The following USP40 variants were observed in gnomAD, a reference collection of about 807,000 sequenced individuals.
USP40 encodes the protein ubiquitin specific peptidase 40, also known as ubiquitin carboxyl-terminal hydrolase 40.
USP40 carries 143 observed loss-of-function variants against 166.2 expected under a neutral mutation model. The observed-to-expected ratio is 0.86, with a 90% CI of 0.75 to 0.99. The LOEUF (loss-of-function observed/expected upper bound fraction) is 0.99, where lower values mean the gene tolerates loss of function less well. USP40 is among the 50% of genes least tolerant of loss of function. USP40 has a pLI of 0.00. For synonymous variants in USP40, 498 were observed against 524.0 expected, an observed-to-expected ratio of 0.95 and a Z score of 0.68; for missense variants, 1,444 against 1,479.7, an observed-to-expected ratio of 0.98 and a Z score of 0.40.
intron 6 of USP40, among the ~76,000 whole-genome samples, chr2:233,553,804 C>A (rs760693781): frequency 6.6e-6 from 1 of 151,462 alleles, no homozygotes; most frequent in Non-Finnish European, 1.5e-5. Flanking sequence ...CCTCTTAGCT[C>A]TCACATGGCA....
In USP40 at chr2:233,562,799, A is replaced by G. The variant is rs1316716181; in HGVS notation, c.204T>C (p.Ala68=). The G allele has an allele frequency of 1.3e-6, 2 of 1,531,776 alleles. No homozygotes were observed. Among genetic ancestry groups the G allele is most frequent in the Non-Finnish European group, 1.8e-6 (2 of 1,137,956 alleles). 94.9% of individuals were successfully genotyped at this position (1,531,776 alleles called of 1,614,324 possible). Reference sequence around the variant, plus strand: ...GCTCTTCTGGGCCAAGAGAAAATAGAGCTTCTAAAGAAAAAGGTAGAATCA... The same window carrying G: ...GCTCTTCTGGGCCAAGAGAAAATAGGGCTTCTAAAGAAAAAGGTAGAATCA... ...TLHFTPEFRE[A]LFSLGPEELG... is the part of the protein sequence containing the mutation. The change falls in exon 3 of 32, where the codon GCT becomes GCC. Residue 68 remains alanine (A), a synonymous_variant. Transcript: ENST00000678225.
chr2:233,521,432 C>T (rs941308315), intron 16 of USP40, among the ~76,000 whole-genome samples: 7 of 152,158 alleles, frequency 4.6e-5, no homozygotes, highest in Non-Finnish European at 8.8e-5. Flanking sequence ...GCACCTATGC[C>T]AGGAGCCTAC....
chr2:233,504,647 A>G (rs1475848399), intron 21 of USP40, among the ~76,000 whole-genome samples: 3 of 152,028 alleles, frequency 2.0e-5, no homozygotes, highest in Non-Finnish European at 4.4e-5. Context: ...AAGGGATTCA[A>G]TGAGAGGATA....
At chr2:233,560,450 T>G (rs2071478196) in intron 3 of USP40, among the ~76,000 whole-genome samples, 3 of 152,292 alleles carry the variant, frequency 2.0e-5, no homozygotes, top group African/African-American at 7.2e-5. Flanking sequence ...TTTAAGTATT[T>G]AAAGGAGAAT....
chr2:233,536,991 C>G (rs929172286), intron 10 of USP40, among the ~76,000 whole-genome samples: 2 of 152,010 alleles, frequency 1.3e-5, no homozygotes, highest in Non-Finnish European at 2.9e-5. Flanking sequence ...CTTAAGCAAT[C>G]CTCCACCCCA....
intron 1 of USP40, among the ~76,000 whole-genome samples, chr2:233,565,910 T>TAA (rs1321995097): frequency 2.0e-5 from 3 of 152,174 alleles, no homozygotes; most frequent in African/African-American, 7.2e-5. Context: ...CAGCTGTTTT[T>TAA]AAAAAGGCAC....
At chr2:233,518,653 G>A (rs1433515963) in intron 18 of USP40, among the ~76,000 whole-genome samples, 1 of 152,010 alleles carries the variant, frequency 6.6e-6, no homozygotes, top group Non-Finnish European at 1.5e-5. Context: ...CACTGCTAGT[G>A]GGAGTATAAA....
In USP40 at chr2:233,525,437, G is replaced by T. The variant is rs750504779; in HGVS notation, c.1810+41C>A. The T allele has an allele frequency of 1.1e-5, 17 of 1,501,900 alleles. No individual in the cohort carries two copies. In the Admixed American group the frequency reaches 2.9e-4, roughly 26 times the overall value. The allele number at this position is 1,501,900 out of a possible 1,614,324, so 93.0% of individuals were successfully genotyped here. A position where few individuals can be genotyped will look rare whatever the true frequency, so the allele number is the denominator to read the frequency against. Reference sequence around the variant, plus strand: ...CGCAGGTGAGCCGGACAAAAATGTAGATATATAGAGTGAGTTGCTATGTTT... The same window carrying T: ...CGCAGGTGAGCCGGACAAAAATGTATATATATAGAGTGAGTTGCTATGTTT... On this transcript the variant is annotated intron_variant, in intron 14 of 31. Coordinates refer to ENST00000678225, the MANE Select transcript of USP40 (RefSeq NM_001365479.2).
chr2:233,502,383 A>T (rs79125454), intron 21 of USP40, among the ~76,000 whole-genome samples: 2,075 of 152,280 alleles, frequency 0.014, 42 homozygotes, highest in East Asian at 0.083. Context: ...TTTAAAAAAA[A>T]TTTTTGGAAT....
At chr2:233,523,621 G>A in intron 15 of USP40, 132 bp from the exon 16 acceptor site, 1 of 854,122 alleles carries the variant, frequency 1.2e-6, no homozygotes, top group South Asian at 2.0e-5. Flanking sequence ...ACAAATGTCT[G>A]TTAAGCATCA....
In USP40 at chr2:233,512,799, AC is replaced by A. The variant is rs199707769; in HGVS notation, c.2384-178del. ...AGCTAAAAACAAAAACAAACCAAAA[AC>A]CCCCCAACAACCAAAGAAAAAACCC... On this transcript the variant is annotated intron_variant, in intron 18 of 31. Coordinates refer to ENST00000678225, the MANE Select transcript of USP40 (RefSeq NM_001365479.2). 1,784 of 324,268 alleles carry A rather than the reference AC, an allele frequency of 5.5e-3. 42 individuals are homozygous for A. The highest frequency in any genetic ancestry group is 0.048 in the East Asian group (1,045 of 21,562). The allele number at this position is 324,268 out of a possible 1,614,324, so 20.1% of individuals were successfully genotyped here. A position where few individuals can be genotyped will look rare whatever the true frequency, so the allele number is the denominator to read the frequency against.
rs552553681 is a variant in USP40, at chr2:233,500,925, A to C, written c.2614-1010T>G. Among the ~76,000 whole-genome samples, 140 of 152,334 alleles carry C rather than the reference A, an allele frequency of 9.2e-4. 1 individual carries two copies. The highest frequency in any genetic ancestry group is 3.2e-3 in the African/African-American group (135 of 41,582). On this transcript the variant is annotated intron_variant, in intron 21 of 31. Transcript: ENST00000678225. Reference sequence around the variant, plus strand: ...TAAGATGATGTTATCTGATTGCAACAGTGACTTCTAGAGAAAGGACTAGAA... The same window carrying C: ...TAAGATGATGTTATCTGATTGCAACCGTGACTTCTAGAGAAAGGACTAGAA...
chr2:233,518,233 C>T (rs1214386700), intron 18 of USP40, among the ~76,000 whole-genome samples: 6 of 93,864 alleles, frequency 6.4e-5, no homozygotes, highest in Non-Finnish European at 1.3e-4. Flanking sequence ...AAGTCAAAAC[C>T]AAACCAGTAA....
At chr2:233,505,439 C>T (rs772590576) in intron 21 of USP40, among the ~76,000 whole-genome samples, 1 of 151,826 alleles carries the variant, frequency 6.6e-6, no homozygotes, top group Non-Finnish European at 1.5e-5. Flanking sequence ...AAACCTTTAG[C>T]TAGACTAAGA....
At position 233,493,330 on chromosome 2, in the gene USP40, T is replaced by C; in HGVS notation, c.2917+95A>G. 3 of 1,542,454 alleles carry C rather than the reference T, an allele frequency of 1.9e-6. No individual in the cohort carries two copies. The highest frequency in any genetic ancestry group is 2.7e-6 in the Non-Finnish European group (3 of 1,128,876). ...TCTTGATTTTCAAGATCTTACGTTT[T>C]AAAAATAAATATATCAATTGACTCT... On this transcript the variant is annotated intron_variant, in intron 25 of 31. Coordinates refer to ENST00000678225, the MANE Select transcript of USP40 (RefSeq NM_001365479.2). The surrounding 1 kb of genome is among the most constrained non-coding windows in gnomAD (Gnocchi z 4.7).
At chr2:233,552,206 TA>T (rs34735468) in intron 6 of USP40, among the ~76,000 whole-genome samples, 3 of 116,640 alleles carry the variant, frequency 2.6e-5, no homozygotes, top group Non-Finnish European at 3.7e-5. Flanking sequence ...ATCTAGTGGG[TA>T]AAAAAAAAAG....
At position 233,486,033 on chromosome 2, in the gene USP40, T is replaced by C; in HGVS notation, c.3198-56A>G. 3 of 1,406,576 alleles carry C rather than the reference T, an allele frequency of 2.1e-6. No individual in the cohort carries two copies. The highest frequency in any genetic ancestry group is 2.9e-6 in the Non-Finnish European group (3 of 1,036,990). 87.1% of individuals were successfully genotyped at this position (1,406,576 alleles called of 1,614,324 possible). ...CAAACAAACAAACAAAACCACGTGG[T>C]AACTTGAGGCATAATGGGCAAAGCT... On this transcript the variant is annotated intron_variant, in intron 28 of 31. Coordinates refer to ENST00000678225, the MANE Select transcript of USP40 (RefSeq NM_001365479.2). This position sits in a 1 kb window ranked among gnomAD's most constrained non-coding sequence, Gnocchi z 4.0.
chr2:233,484,575 C>T (rs2064828278), intron 30 of USP40, among the ~76,000 whole-genome samples: 1 of 151,724 alleles, frequency 6.6e-6, no homozygotes, highest in Non-Finnish European at 1.5e-5. Context: ...CTCCCTAGCT[C>T]ATCCCTAGCG....
chr2:233,490,929 G>GGATA, intron 26 of USP40: 1 of 658,170 alleles, frequency 1.5e-6, no homozygotes. Flanking sequence ...AAGTCACTGA[G>GGATA]GATAGATTGA....
Sources: gnomAD v4.1 joint callset for allele counts (sites outside exome capture counted in the v4.1 genomes callset) on GRCh38, gnomAD v4.1.1 for gene constraint, Gnocchi (gnomAD v3.1) non-coding constraint, MANE v1.5 for transcripts, NCBI Gene and HGNC (gene_info 2026-07-23, HGNC 2026-07-21) for gene names.